Variants in COBLL1 observed in about 807,000 individuals in gnomAD.
COBLL1 encodes the protein cordon-bleu protein-like 1.
A neutral mutation model predicts 94.8 loss-of-function variants in COBLL1; 50 were observed. The observed-to-expected ratio is 0.53, with a 90% CI of 0.42 to 0.67. The LOEUF is 0.67. Among genes scored for constraint, COBLL1 ranks in the 30% least tolerant of loss-of-function variants. The pLI is 0.00. For missense variants in COBLL1, 1,362 were observed against 1,348.7 expected (o/e 1.01, Z -0.15); for synonymous variants, 448 against 473.8 (o/e 0.95, Z 0.71).
intron 2 of COBLL1, among the ~76,000 whole-genome samples, chr2:164,782,945 A>G (rs1688784308): frequency 6.6e-6 from 1 of 152,234 alleles, no homozygotes; most frequent in African/African-American, 2.4e-5. Flanking sequence ...AAATGTTATA[A>G]CTTCAATAGT....
In COBLL1 at chr2:164,753,859, A is replaced by G. The variant is rs192677493; in HGVS notation, c.42-9984T>C. ...TGGGTTCAAGCAATTCTCGTGCCTC[A>G]GCCTCCTGAGTAGCTGGAAGTATAG... On this transcript the variant is annotated intron_variant, in intron 2 of 13. Coordinates refer to ENST00000652658, the MANE Select transcript of COBLL1 (RefSeq NM_001365672.2). Among the ~76,000 whole-genome samples the G allele has an allele frequency of 5.3e-5, 8 of 151,580 alleles. No individual in the cohort carries two copies. The East Asian group carries it at 1.6e-3, about 30-fold the overall frequency.
intron 2 of COBLL1, among the ~76,000 whole-genome samples, chr2:164,819,147 C>A (rs150354591): frequency 8.4e-4 from 128 of 151,944 alleles, no homozygotes; most frequent in Non-Finnish European, 1.5e-3. Flanking sequence ...GCATTTCCTT[C>A]CAAGAAAAGG....
intron 10 of COBLL1, 55 bp from the exon 11 acceptor site, chr2:164,699,554 CACACACACACAG>C: frequency 3.6e-6 from 3 of 830,470 alleles, no homozygotes; most frequent in Non-Finnish European, 4.0e-6. Context: ...CACACACATA[CACACACACACAG>C]ACACACACAC....
At chr2:164,784,729 A>C (rs934902817) in intron 2 of COBLL1, among the ~76,000 whole-genome samples, 1 of 152,112 alleles carries the variant, frequency 6.6e-6, no homozygotes, top group African/African-American at 2.4e-5. Context: ...ATACTTATGC[A>C]TTTATCTGTT....
chr2:164,685,869 A>T lies in COBLL1; in HGVS notation c.*77T>A. 1 of 762,088 alleles carries T rather than the reference A, an allele frequency of 1.3e-6. No individual in the cohort carries two copies. Among genetic ancestry groups the T allele is most frequent in the Admixed American group, 2.3e-5 (1 of 44,388 alleles). 47.2% of individuals were successfully genotyped at this position (762,088 alleles called of 1,614,324 possible). A position where few individuals can be genotyped will look rare whatever the true frequency, so the allele number is the denominator to read the frequency against. ...AATATATTAGTGTACATCTGAATATACATTTGCCAAAATGTTCCATTAGTA... is the reference window on the plus strand; with the variant it reads ...AATATATTAGTGTACATCTGAATATTCATTTGCCAAAATGTTCCATTAGTA... On this transcript the variant is annotated 3_prime_UTR_variant, in exon 14 of 14. Transcript: ENST00000652658.
chr2:164,839,283 T>C (rs959940026), intron 2 of COBLL1, among the ~76,000 whole-genome samples: 11 of 152,188 alleles, frequency 7.2e-5, no homozygotes, highest in Non-Finnish European at 1.0e-4. Flanking sequence ...AAAGAACTTA[T>C]CAGTTTAACC....
At chr2:164,801,417 C>T (rs958723257) in intron 2 of COBLL1, among the ~76,000 whole-genome samples, 13 of 117,532 alleles carry the variant, frequency 1.1e-4, no homozygotes, top group African/African-American at 3.3e-4. Flanking sequence ...CCAGCCTGGG[C>T]GACAGAGCGA....
intron 5 of COBLL1, among the ~76,000 whole-genome samples, chr2:164,725,455 T>C (rs1685679121): frequency 6.6e-6 from 1 of 152,160 alleles, no homozygotes; most frequent in Non-Finnish European, 1.5e-5. Context: ...TCTCACTCTG[T>C]CACCCAGTCT....
rs139085286 is a variant in COBLL1 at position 164,822,516 on chromosome 2, C to T, written c.41+18640G>A. On this transcript the variant is annotated intron_variant, in intron 2 of 13. Transcript: ENST00000652658. ...CTCCCTGGCCCTTGCAATCCACTGCCCCTGACGAAGGTAGTATTCTCCAAG... is the reference window on the plus strand; with the variant it reads ...CTCCCTGGCCCTTGCAATCCACTGCTCCTGACGAAGGTAGTATTCTCCAAG... Among the ~76,000 whole-genome samples the T allele has an allele frequency of 3.0e-3, 454 of 152,176 alleles. 1 individual carries two copies. Among genetic ancestry groups the T allele is most frequent in the African/African-American group, 0.01 (430 of 41,514 alleles).
intron 2 of COBLL1, among the ~76,000 whole-genome samples, chr2:164,818,721 A>G (rs546371491): frequency 1.0e-3 from 152 of 148,746 alleles, no homozygotes; most frequent in African/African-American, 3.6e-3. Flanking sequence ...TATAGTATAT[A>G]TATATGTACT....
intron 2 of COBLL1, among the ~76,000 whole-genome samples, chr2:164,805,429 T>C (rs940338086): frequency 1.4e-5 from 2 of 145,758 alleles, no homozygotes; most frequent in Non-Finnish European, 3.0e-5. Context: ...AAATGTATAA[T>C]GTGCCCCTTA....
chr2:164,789,753 T>A (rs1683091010), intron 2 of COBLL1, among the ~76,000 whole-genome samples: 1 of 152,228 alleles, frequency 6.6e-6, no homozygotes, highest in Admixed American at 6.5e-5. Context: ...ACTTAGATGG[T>A]AATTGCAGAC....
At chr2:164,674,046 T>C (rs1691294482) in intron 1 of COBLL1, among the ~76,000 whole-genome samples, 1 of 152,146 alleles carries the variant, frequency 6.6e-6, no homozygotes, top group Non-Finnish European at 1.5e-5. Context: ...TAAAATTTAC[T>C]ATCTTTTTGT....
chr2:164,756,684 C>G (rs897726537), intron 2 of COBLL1, among the ~76,000 whole-genome samples: 3 of 152,050 alleles, frequency 2.0e-5, no homozygotes, highest in African/African-American at 7.2e-5. Context: ...ACAAAAATAT[C>G]TAGCTCACTA....
At chr2:164,775,546 T>A (rs1574565169) in intron 2 of COBLL1, among the ~76,000 whole-genome samples, 1 of 152,164 alleles carries the variant, frequency 6.6e-6, no homozygotes, top group African/African-American at 2.4e-5. Context: ...CACTGCAACC[T>A]CCGCCTACCA....
In COBLL1 at chr2:164,692,214, G is replaced by GACTT; in HGVS notation, c.3300+3_3300+6dup. On this transcript the variant is annotated splice_region_variant and intron_variant, in intron 13 of 13. Transcript: ENST00000652658. ...CCACTGTCACCCATCTGATAAAGAA[G>GACTT]ACTTACCCTTTTCAATTTGGCAGCA... 1 of 1,593,792 alleles carries GACTT rather than the reference G, an allele frequency of 6.3e-7. No individual in the cohort carries two copies. Among genetic ancestry groups the GACTT allele is most frequent in the Non-Finnish European group, 8.5e-7 (1 of 1,171,452 alleles).
Position 164,695,201 on chromosome 2 carries a change from T to C in COBLL1, c.2191A>G (p.Met731Val), listed in dbSNP as rs1268026017. Residue 731 changes from methionine to valine, a missense_variant, in exon 12 of 14, where the codon ATG becomes GTG. Met to Val is a conservative substitution (Grantham distance 21). Coordinates refer to ENST00000652658, the MANE Select transcript of COBLL1 (RefSeq NM_001365672.2). ...ITREYIPKIG[M>V]TTYKIVPPKS... is the part of the protein sequence containing the mutation. ...GGAGGCACTATTTTATAAGTAGTCA[T>C]GCCAATTTTGGGTATATACTCTCGT... 3.1e-6 allele frequency: 5 copies of C among 1,613,898 alleles called. No homozygotes were observed. Among genetic ancestry groups the C allele is most frequent in the Non-Finnish European group, 4.2e-6 (5 of 1,179,970 alleles).
intron 2 of COBLL1, among the ~76,000 whole-genome samples, chr2:164,774,809 T>C (rs1313837438): frequency 1.3e-5 from 2 of 151,250 alleles, no homozygotes; most frequent in East Asian, 3.9e-4. Context: ...TTGTACTGTA[T>C]ACTGGAAACT....
At chr2:164,723,568 G>C (rs1685562853) in intron 5 of COBLL1, 1 of 151,982 alleles carries the variant, frequency 6.6e-6, no homozygotes, top group South Asian at 2.1e-4. Flanking sequence ...ACTTGAGACA[G>C]TTTCTACTGG....
Sources: gnomAD v4.1 joint callset for allele counts (sites outside exome capture counted in the v4.1 genomes callset) on GRCh38, gnomAD v4.1.1 for gene constraint, MANE v1.5 for transcripts, NCBI Gene and HGNC (gene_info 2026-07-23, HGNC 2026-07-21) for gene names.